The following EBF1 variants were observed in gnomAD, a reference collection of about 807,000 sequenced individuals.
The protein encoded by EBF1 is EBF transcription factor 1, also known as transcription factor COE1.
In EBF1, 10 loss-of-function variants were observed where a neutral mutation model predicts 68.4. That is an observed-to-expected ratio of 0.15 (90% CI 0.09 to 0.25). The LOEUF (loss-of-function observed/expected upper bound fraction) is 0.25, where lower values mean the gene tolerates loss of function less well. Among genes scored for constraint, EBF1 ranks in the 10% least tolerant of loss-of-function variants. EBF1 has a pLI of 1.00. For missense variants in EBF1, 509 were observed against 794.4 expected, an observed-to-expected ratio of 0.64 and a Z score of 4.32; for synonymous variants, 298 against 299.8, an observed-to-expected ratio of 0.99 and a Z score of 0.06.
At chr5:158,874,743 A>C (rs1214199831) in intron 6 of EBF1, among the ~76,000 whole-genome samples, 1 of 152,140 alleles carries the variant, frequency 6.6e-6, no homozygotes, top group South Asian at 2.1e-4. Flanking sequence ...GACAATTAGC[A>C]TATTATAAAT....
At chr5:159,067,295 A>G (rs1265849415) in intron 6 of EBF1, among the ~76,000 whole-genome samples, 16 of 152,210 alleles carry the variant, frequency 1.1e-4, no homozygotes, top group Admixed American at 1.0e-3. Context: ...TTTTTCCAGA[A>G]CTGTTACAAA....
intron 9 of EBF1, among the ~76,000 whole-genome samples, chr5:158,788,781 C>T (rs763676349): frequency 1.4e-4 from 22 of 152,136 alleles, no homozygotes; most frequent in Non-Finnish European, 2.8e-4. Context: ...GTTACAGACA[C>T]GTGTACCTCC....
intron 6 of EBF1, among the ~76,000 whole-genome samples, chr5:158,851,081 G>A (rs1299926912): frequency 3.3e-5 from 5 of 151,652 alleles, no homozygotes; most frequent in Admixed American, 2.6e-4. Context: ...CAAGCTGCAG[G>A]GAAAGAAAAA....
chr5:158,886,103 G>A (rs758862744), intron 6 of EBF1, among the ~76,000 whole-genome samples: 3 of 152,178 alleles, frequency 2.0e-5, no homozygotes, highest in African/African-American at 4.8e-5. Flanking sequence ...AATCCTTAGA[G>A]GAATCCATCA....
intron 6 of EBF1, among the ~76,000 whole-genome samples, chr5:159,068,709 A>C (rs1281660432): frequency 6.6e-6 from 1 of 152,164 alleles, no homozygotes. Context: ...TATTTTCATT[A>C]CTGAACATTC....
At chr5:159,096,761 C>T (rs566296561) in intron 2 of EBF1, among the ~76,000 whole-genome samples, 41 of 150,248 alleles carry the variant, frequency 2.7e-4, no homozygotes, top group South Asian at 1.0e-3. Context: ...TTGCCTCTCT[C>T]TAGCTCTGGG....
intron 6 of EBF1, among the ~76,000 whole-genome samples, chr5:158,947,544 G>T (rs1015740790): frequency 2.0e-5 from 3 of 152,174 alleles, no homozygotes; most frequent in Non-Finnish European, 2.9e-5. Context: ...CAATCCCAAT[G>T]AGATGAACTG....
intron 6 of EBF1, among the ~76,000 whole-genome samples, chr5:158,842,651 C>T (rs777726621): frequency 9.2e-5 from 14 of 152,142 alleles, no homozygotes; most frequent in Non-Finnish European, 1.5e-4. Flanking sequence ...GTGAAAATTG[C>T]GATAAGGCAG....
At chr5:159,015,260 C>A (rs778912102) in intron 6 of EBF1, among the ~76,000 whole-genome samples, 2 of 152,180 alleles carry the variant, frequency 1.3e-5, no homozygotes, top group African/African-American at 4.8e-5. Flanking sequence ...ATATCATAAA[C>A]CCTCAATGTC....
intron 6 of EBF1, among the ~76,000 whole-genome samples, chr5:158,888,662 G>A (rs1488750002): frequency 6.6e-6 from 1 of 152,084 alleles, no homozygotes; most frequent in South Asian, 2.1e-4. Context: ...GAATAGAGGA[G>A]AAGTCTGCAG....
At position 158,936,873 on chromosome 5, in the gene EBF1, TA is replaced by T. The variant is rs150423750; in HGVS notation, c.555-96764del. 2.2e-3 allele frequency among the ~76,000 whole-genome samples: 333 copies of T among 152,228 alleles called. 1 individual carries two copies. Among genetic ancestry groups the T allele is most frequent in the African/African-American group, 7.7e-3 (319 of 41,518 alleles). ...AATGAATAAAATGGAGAATAGGAAG[TA>T]CCACCAAAGCAAGCCCTGCAAAAGT... On this transcript the variant is annotated intron_variant, in intron 6 of 15. Transcript: ENST00000313708.
At chr5:159,083,547 AT>A (rs759438895) in intron 5 of EBF1, among the ~76,000 whole-genome samples, 28 of 152,240 alleles carry the variant, frequency 1.8e-4, no homozygotes, top group Non-Finnish European at 3.2e-4. Context: ...TGAAAATTGT[AT>A]ATCCATACGT....
intron 6 of EBF1, among the ~76,000 whole-genome samples, chr5:158,978,831 C>CAGAGAGAG (rs1272823090): frequency 5.3e-5 from 6 of 113,138 alleles, no homozygotes; most frequent in African/African-American, 1.9e-4. Context: ...CACACACACA[C>CAGAGAGAG]ACACAGAGAG....
chr5:158,757,748 CT>C (rs1770454221), intron 10 of EBF1, among the ~76,000 whole-genome samples: 1 of 152,114 alleles, frequency 6.6e-6, no homozygotes, highest in African/African-American at 2.4e-5. Context: ...ATAATACTAC[CT>C]GTCTTGTAGT....
At chr5:158,709,324 T>A (rs1403453500) in intron 14 of EBF1, among the ~76,000 whole-genome samples, 1 of 140,076 alleles carries the variant, frequency 7.1e-6, no homozygotes, top group Non-Finnish European at 1.5e-5. Context: ...GCCTATCACA[T>A]ATATTTTTTT....
At chr5:159,017,762 A>G (rs896512281) in intron 6 of EBF1, among the ~76,000 whole-genome samples, 2 of 152,258 alleles carry the variant, frequency 1.3e-5, no homozygotes, top group African/African-American at 2.4e-5. Flanking sequence ...GACGGAAATC[A>G]GCCTAGGGAA....
At chr5:158,916,207 C>G (rs1217432056) in intron 6 of EBF1, among the ~76,000 whole-genome samples, 1 of 152,148 alleles carries the variant, frequency 6.6e-6, no homozygotes, top group South Asian at 2.1e-4. Flanking sequence ...GTCCTTGAAA[C>G]CTTAGTCAGG....
At chr5:158,745,470 C>T (rs886235212) in intron 10 of EBF1, among the ~76,000 whole-genome samples, 7 of 152,170 alleles carry the variant, frequency 4.6e-5, no homozygotes, top group Non-Finnish European at 1.0e-4. Flanking sequence ...ACCCACCCAC[C>T]TAAGCCAGGT....
intron 6 of EBF1, among the ~76,000 whole-genome samples, chr5:158,914,166 A>G (rs968187250): frequency 2.6e-5 from 4 of 152,096 alleles, no homozygotes; most frequent in African/African-American, 9.7e-5. Flanking sequence ...TTCATCTTAC[A>G]TGCATTTTTT....
Sources: allele counts gnomAD v4.1 joint callset (sites outside exome capture counted in the v4.1 genomes callset), GRCh38; gene constraint gnomAD v4.1.1; transcripts MANE v1.5; gene names NCBI Gene and HGNC (gene_info 2026-07-23, HGNC 2026-07-21).